HMGCS1: variants seen among roughly 807,000 people sequenced by gnomAD.
HMGCS1 encodes hydroxymethylglutaryl-CoA synthase, cytoplasmic.
A neutral mutation model predicts 52.3 loss-of-function variants in HMGCS1; 9 were observed. The observed-to-expected ratio is 0.17, with a 90% confidence interval of 0.10 to 0.30. HMGCS1 has a LOEUF of 0.30. Among genes scored for constraint, HMGCS1 ranks in the 10% least tolerant of loss-of-function variants. The probability of loss-of-function intolerance (pLI) is 1.00; values close to 1 mark genes in which losing one functional copy is unlikely to be tolerated. For missense variants in HMGCS1, 320 were observed against 620.9 expected (o/e 0.52, Z 5.15); for synonymous variants, 176 against 214.4 (o/e 0.82, Z 1.57).
chr5:43,293,715 A>ATT (rs34929647), intron 8 of HMGCS1: 30 of 147,288 alleles, frequency 2.0e-4, no homozygotes, highest in South Asian at 1.3e-3. Flanking sequence ...TTCTCAATAC[A>ATT]TTTTTTTTTT....
chr5:43,301,572 T>C (rs1754319381), intron 2 of HMGCS1, among the ~76,000 whole-genome samples: 1 of 152,218 alleles, frequency 6.6e-6, no homozygotes, highest in Non-Finnish European at 1.5e-5. Context: ...TATTCATACA[T>C]ATATAAAGTA....
chr5:43,304,491 A>G (rs904023797), intron 2 of HMGCS1, among the ~76,000 whole-genome samples: 1 of 152,252 alleles, frequency 6.6e-6, no homozygotes, highest in Non-Finnish European at 1.5e-5. Flanking sequence ...AATTATCCTT[A>G]TAATGCTTGT....
In HMGCS1 at chr5:43,298,340, A is replaced by G. The variant is rs554180608; in HGVS notation, c.448+178T>C. On this transcript the variant is annotated intron_variant, in intron 3 of 10. Transcript: ENST00000325110. The surrounding 1 kb of genome is among the most constrained non-coding windows in gnomAD (Gnocchi z 5.6). ...TTGAATAGACCATTTGTCCTACAAG[A>G]TAAGATAACCAATTCACAATTCGGA... The G allele has an allele frequency of 3.3e-5, 22 of 662,028 alleles. No individual in the cohort carries two copies. The highest frequency in any genetic ancestry group is 4.1e-4 in the Middle Eastern group (1 of 2,434). 41.0% of individuals were successfully genotyped at this position (662,028 alleles called of 1,614,324 possible).
At chr5:43,308,589 G>A (rs899041383) in intron 1 of HMGCS1, among the ~76,000 whole-genome samples, 2 of 152,080 alleles carry the variant, frequency 1.3e-5, no homozygotes, top group African/African-American at 4.8e-5. Context: ...ACATTATTAT[G>A]TAAATTAAGT....
Position 43,298,299 on chromosome 5 carries a change from T to A in HMGCS1, c.449-165A>T. 1 of 698,412 alleles carries A rather than the reference T, an allele frequency of 1.4e-6. No homozygotes were observed. The highest frequency in any genetic ancestry group is 2.3e-6 in the Non-Finnish European group (1 of 431,580). The allele number at this position is 698,412 out of a possible 1,614,324, so 43.3% of individuals were successfully genotyped here. A position where few individuals can be genotyped will look rare whatever the true frequency, so the allele number is the denominator to read the frequency against. ...AAATTCATCTGCCAAGGCTCTGTCA[T>A]CCATCTGACTAAATTTTGAATAGAC... On this transcript the variant is annotated intron_variant, in intron 3 of 10. Coordinates refer to ENST00000325110, the MANE Select transcript of HMGCS1 (RefSeq NM_001098272.3). This position sits in a 1 kb window ranked among gnomAD's most constrained non-coding sequence, Gnocchi z 5.6.
rs573390579 is a variant in HMGCS1, at chr5:43,288,077, T to A, written c.*3054A>T. On this transcript the variant is annotated 3_prime_UTR_variant, in exon 11 of 11. Coordinates refer to ENST00000325110, the MANE Select transcript of HMGCS1 (RefSeq NM_001098272.3). ...AGGAAGAGATCAGATCCCACAGGAG[T>A]CTGCAAGGCTGAATAAGGAATATAC... is the stretch of plus-strand genomic sequence containing the variant. 1 of 152,146 alleles carries A rather than the reference T, an allele frequency of 6.6e-6. No individual in the cohort carries two copies. The highest frequency in any genetic ancestry group is 6.5e-5 in the Admixed American group (1 of 15,274). 9.4% of individuals were successfully genotyped at this position (152,146 alleles called of 1,614,324 possible).
At chr5:43,299,651 A>G (rs1458070789) in intron 2 of HMGCS1, among the ~76,000 whole-genome samples, 1 of 140,404 alleles carries the variant, frequency 7.1e-6, no homozygotes, top group Non-Finnish European at 1.5e-5. Flanking sequence ...CTCCGTCTCA[A>G]AAAAAAAAAA....
chr5:43,292,401 T>C, intron 10 of HMGCS1, 73 bp downstream of exon 10: 1 of 1,276,512 alleles, frequency 7.8e-7, no homozygotes, highest in Non-Finnish European at 1.1e-6. Context: ...TTTACTGACA[T>C]TTATTTATGT....
At chr5:43,309,238 A>ATTT (rs766081777) in intron 1 of HMGCS1, among the ~76,000 whole-genome samples, 4 of 142,730 alleles carry the variant, frequency 2.8e-5, no homozygotes, top group African/African-American at 2.6e-5. Context: ...ATTCCCTCAA[A>ATTT]TTTTTTTTTT....
At chr5:43,294,463 C>T (rs1331193751) in intron 7 of HMGCS1, 1 of 491,208 alleles carries the variant, frequency 2.0e-6, no homozygotes, top group African/African-American at 2.0e-5. Flanking sequence ...ATTAAAAAAC[C>T]ATGAAAACAG....
chr5:43,298,200 A>T lies in HMGCS1; in HGVS notation c.449-66T>A. 2.2e-6 allele frequency: 3 copies of T among 1,355,626 alleles called. No homozygotes were observed. The highest frequency in any genetic ancestry group is 3.1e-6 in the Non-Finnish European group (3 of 975,656). 84.0% of individuals were successfully genotyped at this position (1,355,626 alleles called of 1,614,324 possible). On this transcript the variant is annotated intron_variant, in intron 3 of 10. Coordinates refer to ENST00000325110, the MANE Select transcript of HMGCS1 (RefSeq NM_001098272.3). This position sits in a 1 kb window ranked among gnomAD's most constrained non-coding sequence, Gnocchi z 5.6. ...CACTATAACCAAACATGGAAACTGAAGTCTGTTATATTTTCCCCAGAATAT... is the reference window on the plus strand; with the variant it reads ...CACTATAACCAAACATGGAAACTGATGTCTGTTATATTTTCCCCAGAATAT...
At chr5:43,300,221 T>C (rs781224572) in intron 2 of HMGCS1, among the ~76,000 whole-genome samples, 23 of 152,222 alleles carry the variant, frequency 1.5e-4, no homozygotes, top group Non-Finnish European at 2.9e-4. Context: ...TTGTGAGGCT[T>C]TGAAGAGTGG....
chr5:43,293,867 C>T (rs1487891152), intron 8 of HMGCS1, 189 bp downstream of exon 8: 1 of 491,144 alleles, frequency 2.0e-6, no homozygotes, highest in Non-Finnish European at 3.7e-6. Flanking sequence ...GCATGCACCA[C>T]CTCACCTGGC....
intron 2 of HMGCS1, among the ~76,000 whole-genome samples, chr5:43,302,810 C>T (rs1314872487): frequency 3.3e-5 from 5 of 152,196 alleles, no homozygotes; most frequent in African/African-American, 7.2e-5. Context: ...CCAAAACCTT[C>T]GCATTCTTTT....
chr5:43,303,883 T>C (rs1367186418), intron 2 of HMGCS1, among the ~76,000 whole-genome samples: 1 of 152,240 alleles, frequency 6.6e-6, no homozygotes, highest in African/African-American at 2.4e-5. Flanking sequence ...TTTACATTCC[T>C]ACTCCATTCA....
intron 1 of HMGCS1, 108 bp from the exon 2 acceptor site, chr5:43,307,932 A>G (rs1478414963): frequency 2.6e-5 from 4 of 152,248 alleles, no homozygotes; most frequent in Non-Finnish European, 5.9e-5. Flanking sequence ...TCCTTATCCA[A>G]TTACATTATG....
rs148069999 is a variant in HMGCS1, at chr5:43,309,421, G to T, written c.-69-1597C>A. Among the ~76,000 whole-genome samples the T allele has an allele frequency of 6.7e-3, 1,022 of 152,080 alleles. 13 individuals are homozygous for T. Among genetic ancestry groups the T allele is most frequent in the African/African-American group, 0.024 (991 of 41,492 alleles). Reference sequence around the variant, plus strand: ...TACACAGCTGATTTTTGTATTTTTTGTAGAGATGGGGTTTTGCCATCTTTC... The same window carrying T: ...TACACAGCTGATTTTTGTATTTTTTTTAGAGATGGGGTTTTGCCATCTTTC... On this transcript the variant is annotated intron_variant, in intron 1 of 10. Transcript: ENST00000325110.
intron 4 of HMGCS1, 70 bp downstream of exon 4, chr5:43,297,939 C>G: frequency 1.4e-6 from 2 of 1,433,422 alleles, no homozygotes; most frequent in Non-Finnish European, 1.9e-6. Context: ...AGCGACAGCT[C>G]CTACTTCTAT....
At chr5:43,293,081 T>G (rs1033652616) in intron 8 of HMGCS1, 108 bp from the exon 9 acceptor site, 2 of 818,956 alleles carry the variant, frequency 2.4e-6, no homozygotes, top group Admixed American at 2.8e-5. Context: ...TTCATTTTCA[T>G]TAAAACTACT....
Sources: gnomAD v4.1 joint callset for allele counts (sites outside exome capture counted in the v4.1 genomes callset) on GRCh38, gnomAD v4.1.1 for gene constraint, Gnocchi (gnomAD v3.1) non-coding constraint, MANE v1.5 for transcripts, NCBI Gene and HGNC (gene_info 2026-07-23, HGNC 2026-07-21) for gene names.